Variants in LDLRAP1 observed in about 807,000 individuals in gnomAD.
LDLRAP1 encodes low density lipoprotein receptor adapter protein 1.
A neutral mutation model predicts 37.8 loss-of-function variants in LDLRAP1; 30 were observed. The ratio of observed to expected loss-of-function variants is 0.79; its 90% CI spans 0.59 to 1.08. The LOEUF (loss-of-function observed/expected upper bound fraction) is 1.08, where lower values mean the gene tolerates loss of function less well. Among genes scored for constraint, LDLRAP1 ranks in the 50% least tolerant of loss-of-function variants. The probability of loss-of-function intolerance (pLI) is 0.00; values close to 1 mark genes in which losing one functional copy is unlikely to be tolerated. For synonymous variants in LDLRAP1, 156 were observed against 169.8 expected (o/e 0.92, Z 0.63); for missense variants, 375 against 401.6 (o/e 0.93, Z 0.57).
chr1:25,547,608 G>T (rs1017171228), intron 1 of LDLRAP1, among the ~76,000 whole-genome samples: 7 of 152,186 alleles, frequency 4.6e-5, no homozygotes, highest in Non-Finnish European at 1.5e-5. Context: ...GCTCTTCAGA[G>T]CCGTTCCACT....
intron 5 of LDLRAP1, 54 bp from the exon 6 acceptor site, chr1:25,563,016 G>A: frequency 6.5e-7 from 1 of 1,539,084 alleles, no homozygotes; most frequent in Non-Finnish European, 9.0e-7. Flanking sequence ...GGTGATTGCT[G>A]GGGACAGAGT....
At chr1:25,570,439 C>T (rs916453681), downstream of LDLRAP1, among the ~76,000 whole-genome samples, 1 of 152,130 alleles carries the variant, frequency 6.6e-6, no homozygotes, top group Non-Finnish European at 1.5e-5. Flanking sequence ...CCATGTACAT[C>T]TGGGGACTTT....
At chr1:25,572,324 G>C (rs2044615527), downstream of LDLRAP1, among the ~76,000 whole-genome samples, 1 of 152,192 alleles carries the variant, frequency 6.6e-6, no homozygotes, top group South Asian at 2.1e-4. Context: ...CAGCCTGGGA[G>C]TCCACTTTGC....
chr1:25,565,284 T>A, intron 8 of LDLRAP1, 77 bp downstream of exon 8: 1 of 1,505,374 alleles, frequency 6.6e-7, no homozygotes, highest in Non-Finnish European at 9.2e-7. Flanking sequence ...CCTGGGGACC[T>A]TTCCCCTGAT....
chr1:25,565,267 C>T, intron 8 of LDLRAP1, 60 bp downstream of exon 8: 1 of 1,586,976 alleles, frequency 6.3e-7, no homozygotes, highest in South Asian at 1.1e-5. Context: ...GCCCTGCTGC[C>T]CTTTCTCCTG....
chr1:25,580,979 C>T, the LDLRAP1 span, among the ~76,000 whole-genome samples: 2 of 152,164 alleles, frequency 1.3e-5, no homozygotes, highest in East Asian at 1.9e-4. Flanking sequence ...AGGAGTTTCC[C>T]TAAATTGAGG....
rs1397505429 is a variant in LDLRAP1, at chr1:25,543,719, G to C, written c.21G>C (p.Ala7=). 1 of 1,214,612 alleles carries C rather than the reference G, an allele frequency of 8.2e-7. No homozygotes were observed. 75.2% of individuals were successfully genotyped at this position (1,214,612 alleles called of 1,614,324 possible). A position where few individuals can be genotyped will look rare whatever the true frequency, so the allele number is the denominator to read the frequency against. The change falls in exon 1 of 9, where the codon GCG becomes GCC. Residue 7 remains alanine, a synonymous_variant. Transcript: ENST00000374338. ...GGGCCATGGACGCGCTCAAGTCGGC[G>C]GGGCGGGCGCTGATCCGGAGCCCCA... MDALKS[A]GRALIRSPSL...
the LDLRAP1 span, among the ~76,000 whole-genome samples, chr1:25,575,074 G>A: frequency 1.3e-5 from 2 of 152,128 alleles, no homozygotes; most frequent in Non-Finnish European, 2.9e-5. Context: ...TCACCGTCCC[G>A]GTCCCCAAAT....
At chr1:25,558,701 G>A (rs748918577) in intron 4 of LDLRAP1, among the ~76,000 whole-genome samples, 17 of 152,022 alleles carry the variant, frequency 1.1e-4, no homozygotes, top group South Asian at 2.1e-4. Context: ...CTCCTACCCC[G>A]CTCAGCACTC....
At chr1:25,561,864 C>T (rs935545486) in intron 4 of LDLRAP1, among the ~76,000 whole-genome samples, 2 of 152,110 alleles carry the variant, frequency 1.3e-5, no homozygotes, top group Admixed American at 1.3e-4. Flanking sequence ...GAAACACAGG[C>T]AGGGGAGCCA....
intron 4 of LDLRAP1, 91 bp downstream of exon 4, chr1:25,557,358 C>A: frequency 1.1e-6 from 1 of 946,256 alleles, no homozygotes; most frequent in Non-Finnish European, 1.7e-6. Flanking sequence ...GAGGCAGGAC[C>A]CAAAGGTGAC....
rs114583297 is a variant in LDLRAP1, at chr1:25,563,697, C to T, written c.653C>T (p.Thr218Ile). 1.5e-3 allele frequency: 2,410 copies of T among 1,613,904 alleles called. 30 individuals are homozygous for T. In the African/African-American group the frequency reaches 0.027, roughly 18 times the overall value. The change falls in exon 7 of 9, where the codon ACA becomes ATA. Residue 218 changes from threonine to isoleucine, a missense_variant. Thr to Ile is a moderately conservative substitution (Grantham distance 89). Transcript: ENST00000374338. ...ATGNLLDLEETAKAPLSTVSA... is the reference protein window; with the variant it reads ...ATGNLLDLEEIAKAPLSTVSA... Reference sequence around the variant, plus strand: ...GGGAACCTGCTGGACTTAGAGGAGACAGCTAAGGCCCCGCTGTCCACGGTC... The same window carrying T: ...GGGAACCTGCTGGACTTAGAGGAGATAGCTAAGGCCCCGCTGTCCACGGTC...
At chr1:25,569,785 T>C (rs2124708658), downstream of LDLRAP1, among the ~76,000 whole-genome samples, 1 of 152,306 alleles carries the variant, frequency 6.6e-6, no homozygotes, top group South Asian at 2.1e-4. Flanking sequence ...TGGCATTAGC[T>C]CCCGTTACTG....
chr1:25,559,026 T>C (rs2044279814), intron 4 of LDLRAP1, among the ~76,000 whole-genome samples: 1 of 152,188 alleles, frequency 6.6e-6, no homozygotes, highest in Non-Finnish European at 1.5e-5. Context: ...AGGGTTGTTC[T>C]GAAAGGCCCC....
intron 1 of LDLRAP1, among the ~76,000 whole-genome samples, chr1:25,545,921 G>A (rs947649400): frequency 1.3e-5 from 2 of 152,174 alleles, no homozygotes; most frequent in African/African-American, 4.8e-5. Flanking sequence ...AGGTGACAGA[G>A]CAGACCCATT....
intron 1 of LDLRAP1, chr1:25,549,825 G>C (rs1167436248): frequency 6.6e-6 from 1 of 152,424 alleles, no homozygotes; most frequent in Non-Finnish European, 1.5e-5. Context: ...TCTGTGGGGA[G>C]GGTGTGGGCA....
At chr1:25,558,087 G>A (rs963235781) in intron 4 of LDLRAP1, among the ~76,000 whole-genome samples, 1 of 152,104 alleles carries the variant, frequency 6.6e-6, no homozygotes, top group Non-Finnish European at 1.5e-5. Context: ...GGTCACGGGG[G>A]ATTTGTCCTG....
At chr1:25,548,677 T>C (rs1313595491) in intron 1 of LDLRAP1, among the ~76,000 whole-genome samples, 2 of 151,858 alleles carry the variant, frequency 1.3e-5, no homozygotes, top group Non-Finnish European at 2.9e-5. Flanking sequence ...GTCCCTGTTA[T>C]TTATTTATTT....
chr1:25,554,055 C>G lies in LDLRAP1; in HGVS notation c.222C>G (p.Ile74Met), dbSNP rs199630684. ...TGTCGGCCGCCGCCATCAAGAGGAT[C>G]GTGGCTACAGTGAGCACCCCAGTCA... is the stretch of plus-strand genomic sequence containing the variant. ...EELSAAAIKR[I>M]VATAKASGKK... The change falls in exon 2 of 9, where the codon ATC becomes ATG. Residue 74 changes from isoleucine to methionine, a missense_variant. Transcript: ENST00000374338. This position sits in a 1 kb window ranked among gnomAD's most constrained non-coding sequence, Gnocchi z 5.4. 1 of 1,613,912 alleles carries G rather than the reference C, an allele frequency of 6.2e-7. No individual in the cohort carries two copies. The highest frequency in any genetic ancestry group is 8.5e-7 in the Non-Finnish European group (1 of 1,180,018).
Sources: allele counts gnomAD v4.1 joint callset (sites outside exome capture counted in the v4.1 genomes callset), GRCh38; gene constraint gnomAD v4.1.1; non-coding constraint Gnocchi (gnomAD v3.1); transcripts MANE v1.5; gene names NCBI Gene and HGNC (gene_info 2026-07-23, HGNC 2026-07-21).